Variants in PPP1R12A observed in about 807,000 individuals in gnomAD.
PPP1R12A encodes the protein protein phosphatase 1 regulatory subunit 12A.
A neutral mutation model predicts 139.6 loss-of-function variants in PPP1R12A; 19 were observed. That is an observed-to-expected ratio of 0.14 (90% confidence interval 0.09 to 0.20). The LOEUF is 0.20. Among genes scored for constraint, PPP1R12A ranks in the 10% least tolerant of loss-of-function variants. The pLI is 1.00. For missense variants in PPP1R12A, 925 were observed against 1,211.5 expected (o/e 0.76, Z 3.51); for synonymous variants, 427 against 420.6 (o/e 1.02, Z -0.19).
chr12:79,935,456 G>C (rs2136993846), upstream of PPP1R12A: 4 of 987,894 alleles, frequency 4.0e-6, no homozygotes, highest in Non-Finnish European at 4.8e-6. Flanking sequence ...GGGCAGATCT[G>C]CCTCCCGTGC....
intron 2 of PPP1R12A, among the ~76,000 whole-genome samples, chr12:79,872,349 A>C (rs867636323): frequency 6.0e-4 from 91 of 152,290 alleles, no homozygotes; most frequent in African/African-American, 2.1e-3. Context: ...TTTCTCATTG[A>C]ATTTTCTAAA....
intron 1 of PPP1R12A, among the ~76,000 whole-genome samples, chr12:79,927,929 G>GTGGA (rs1887967721): frequency 6.6e-6 from 1 of 152,186 alleles, no homozygotes; most frequent in East Asian, 1.9e-4. Context: ...CAAAAGAAGG[G>GTGGA]TGGAGTAAAA....
intron 1 of PPP1R12A, among the ~76,000 whole-genome samples, chr12:79,874,721 C>T (rs971742698): frequency 3.9e-5 from 6 of 152,062 alleles, no homozygotes; most frequent in African/African-American, 1.4e-4. Flanking sequence ...GAACTTTTAT[C>T]AAATGCTTGC....
intron 2 of PPP1R12A, among the ~76,000 whole-genome samples, chr12:79,856,111 G>T (rs1453491511): frequency 1.3e-5 from 2 of 151,846 alleles, no homozygotes; most frequent in African/African-American, 4.8e-5. Flanking sequence ...TAGTTTTCTT[G>T]CCCAACCTCT....
intron 14 of PPP1R12A, among the ~76,000 whole-genome samples, chr12:79,804,869 T>G (rs1873632083): frequency 6.6e-6 from 1 of 152,180 alleles, no homozygotes; most frequent in South Asian, 2.1e-4. Context: ...TAGTCACATA[T>G]TATCTCTGGG....
chr12:79,875,018 CT>C (rs1249715521), intron 1 of PPP1R12A, among the ~76,000 whole-genome samples: 1 of 152,090 alleles, frequency 6.6e-6, no homozygotes, highest in African/African-American at 2.4e-5. Context: ...CCTAGTCATC[CT>C]TTTCAAGTAA....
At chr12:79,871,527 A>G (rs1882566258) in intron 2 of PPP1R12A, among the ~76,000 whole-genome samples, 1 of 152,194 alleles carries the variant, frequency 6.6e-6, no homozygotes, top group Admixed American at 6.5e-5. Flanking sequence ...ATCACAACAA[A>G]CCTAGGAAAT....
chr12:79,817,483 T>C lies in PPP1R12A; in HGVS notation c.1150A>G (p.Asn384Asp). Residue 384 changes from asparagine (N) to aspartate (D), a missense_variant, in exon 9 of 25, where the codon AAC (asparagine) becomes GAC (aspartate). Physicochemically the swap from Asn to Asp is conservative, Grantham distance 23. Around this residue, in one of 4 missense-constraint regions of PPP1R12A, gnomAD observed 403 missense variants for 463.7 expected, o/e 0.87. Coordinates refer to ENST00000450142, the MANE Select transcript of PPP1R12A (RefSeq NM_002480.3). ...GGAGCTGCTTGTGTACTAGAAGTGT[T>C]GGCATTAGTTACAGAAGCCAGGGGT... ...TKPLASVTNA[N>D]TSSTQAAPVA... is the part of the protein sequence containing the mutation. The C allele has an allele frequency of 6.2e-7, 1 of 1,603,134 alleles. No homozygotes were observed. Among genetic ancestry groups the C allele is most frequent in the Non-Finnish European group, 8.5e-7 (1 of 1,173,750 alleles).
At chr12:79,890,909 A>ACACC (rs1565800268) in intron 1 of PPP1R12A, among the ~76,000 whole-genome samples, 1 of 136,096 alleles carries the variant, frequency 7.3e-6, no homozygotes, top group African/African-American at 2.9e-5. Flanking sequence ...ACCCACCCAC[A>ACACC]CACACACACA....
intron 3 of PPP1R12A, among the ~76,000 whole-genome samples, chr12:79,835,754 T>C (rs1317575050): frequency 1.3e-5 from 2 of 152,216 alleles, no homozygotes; most frequent in African/African-American, 4.8e-5. Context: ...TTGGTCTCAG[T>C]GCATTTTTAA....
At chr12:79,885,315 C>T (rs535422010) in intron 1 of PPP1R12A, among the ~76,000 whole-genome samples, 249 of 152,094 alleles carry the variant, frequency 1.6e-3, no homozygotes, top group Non-Finnish European at 2.5e-3. Context: ...ATATATACAG[C>T]GCATAAAGTA....
At chr12:79,844,885 G>A (rs1355642918) in intron 3 of PPP1R12A, among the ~76,000 whole-genome samples, 1 of 151,970 alleles carries the variant, frequency 6.6e-6, no homozygotes, top group Non-Finnish European at 1.5e-5. Context: ...CCCCTTGTCT[G>A]GAATGCTCTT....
At chr12:79,785,159 TAAG>T (rs1870953112) in intron 22 of PPP1R12A, among the ~76,000 whole-genome samples, 1 of 152,238 alleles carries the variant, frequency 6.6e-6, no homozygotes. Context: ...AGCCTAAATA[TAAG>T]TAGTAGTTTT....
chr12:79,838,643 A>G (rs891841966), intron 3 of PPP1R12A, among the ~76,000 whole-genome samples: 12 of 152,206 alleles, frequency 7.9e-5, no homozygotes, highest in Middle Eastern at 3.2e-3. Context: ...AAAGGGGCCA[A>G]TGTACAACTC....
At chr12:79,827,576 C>T (rs1357728969) in intron 5 of PPP1R12A, among the ~76,000 whole-genome samples, 2 of 152,110 alleles carry the variant, frequency 1.3e-5, no homozygotes, top group South Asian at 4.1e-4. Context: ...AGCAGGAATA[C>T]TGGTGACTGG....
intron 1 of PPP1R12A, among the ~76,000 whole-genome samples, chr12:79,909,641 A>T (rs1266259817): frequency 6.6e-6 from 1 of 151,792 alleles, no homozygotes. Flanking sequence ...AGGCTGAGGC[A>T]GGAGAATCGT....
intron 1 of PPP1R12A, among the ~76,000 whole-genome samples, chr12:79,874,749 G>A (rs1882938740): frequency 6.6e-6 from 1 of 152,158 alleles, no homozygotes; most frequent in African/African-American, 2.4e-5. Context: ...CAGGTAGTAT[G>A]AAAGGTGCTT....
At chr12:79,810,496 G>C (rs1002234149) in intron 9 of PPP1R12A, among the ~76,000 whole-genome samples, 1 of 152,054 alleles carries the variant, frequency 6.6e-6, no homozygotes, top group African/African-American at 2.4e-5. Flanking sequence ...GGCATGATAG[G>C]AGCAATGAAA....
intron 5 of PPP1R12A, chr12:79,824,980 T>G (rs969578467): frequency 2.0e-5 from 3 of 151,918 alleles, no homozygotes; most frequent in Admixed American, 2.0e-4. Context: ...CTAACCAAAT[T>G]TTTTTTTAGG....
Sources: allele counts gnomAD v4.1 joint callset (sites outside exome capture counted in the v4.1 genomes callset), GRCh38; gene constraint gnomAD v4.1.1; regional missense constraint gnomAD v4.1.1; transcripts MANE v1.5; gene names NCBI Gene and HGNC (gene_info 2026-07-23, HGNC 2026-07-21).